ERGIC1: variants seen among roughly 807,000 people sequenced by gnomAD.
ERGIC1 encodes endoplasmic reticulum-golgi intermediate compartment 1.
In ERGIC1, 19 loss-of-function variants were observed where a neutral mutation model predicts 38.3. The observed-to-expected ratio is 0.50, with a 90% confidence interval of 0.35 to 0.73. ERGIC1 has a LOEUF of 0.73. Ranked by LOEUF, ERGIC1 falls within the 30% of genes least tolerant of loss-of-function variation. The probability of loss-of-function intolerance (pLI) is 0.01; values close to 1 mark genes in which losing one functional copy is unlikely to be tolerated. For missense variants in ERGIC1, 294 were observed against 389.2 expected, an observed-to-expected ratio of 0.76 and a Z score of 2.06; for synonymous variants, 124 against 157.6, an observed-to-expected ratio of 0.79 and a Z score of 1.60.
chr5:172,936,477 C>G (rs555737767), intron 9 of ERGIC1: 1 of 152,316 alleles, frequency 6.6e-6, no homozygotes, highest in African/African-American at 2.4e-5. Flanking sequence ...CCATCCAAAC[C>G]GCAGGGACAC....
rs551873654 is a variant in ERGIC1, at chr5:172,851,213, A to T, written c.20+16780A>T. Among the ~76,000 whole-genome samples the T allele has an allele frequency of 5.1e-3, 763 of 150,668 alleles. 6 individuals are homozygous for T. The highest frequency in any genetic ancestry group is 8.8e-3 in the Non-Finnish European group (593 of 67,700). ...AAGACTCTGTCTCAAAAAAAAAAAA[A>T]AAAAAAATTAAAAATTCAGGCACAG... is the stretch of plus-strand genomic sequence containing the variant. On this transcript the variant is annotated intron_variant, in intron 1 of 9. Transcript: ENST00000393784.
intron 9 of ERGIC1, among the ~76,000 whole-genome samples, chr5:172,943,520 A>G (rs1399161774): frequency 1.3e-5 from 2 of 152,018 alleles, no homozygotes; most frequent in Non-Finnish European, 2.9e-5. Flanking sequence ...CCTCCTCCAC[A>G]CGCTTTTAAA....
At chr5:172,840,145 C>T (rs1434781613) in intron 1 of ERGIC1, among the ~76,000 whole-genome samples, 1 of 146,832 alleles carries the variant, frequency 6.8e-6, no homozygotes, top group African/African-American at 2.5e-5. Context: ...TCGAGGGGCT[C>T]AGTTTTCCCA....
At chr5:172,900,209 G>A (rs182690013) in intron 3 of ERGIC1, among the ~76,000 whole-genome samples, 239 of 152,286 alleles carry the variant, frequency 1.6e-3, no homozygotes, top group Middle Eastern at 6.8e-3. Context: ...AGAATGCCCG[G>A]GAGCATTGGG....
chr5:172,834,453 C>T lies in ERGIC1; in HGVS notation c.20+20C>T. The T allele has an allele frequency of 7.6e-7, 1 of 1,321,326 alleles. No individual in the cohort carries two copies. The highest frequency in any genetic ancestry group is 9.7e-7 in the Non-Finnish European group (1 of 1,031,632). 81.9% of individuals were successfully genotyped at this position (1,321,326 alleles called of 1,614,324 possible). ...CAGGAGGTGAGTGTGGCGACCCCGGCCAGTCGGGAGTTCCCTCAGCGGGCA... is the reference window on the plus strand; with the variant it reads ...CAGGAGGTGAGTGTGGCGACCCCGGTCAGTCGGGAGTTCCCTCAGCGGGCA... On this transcript the variant is annotated intron_variant, in intron 1 of 9. Transcript: ENST00000393784. This position sits in a 1 kb window ranked among gnomAD's most constrained non-coding sequence, Gnocchi z 4.1.
At chr5:172,849,173 T>C in intron 1 of ERGIC1, among the ~76,000 whole-genome samples, 1 of 152,208 alleles carries the variant, frequency 6.6e-6, no homozygotes, top group East Asian at 1.9e-4. Context: ...ACCCAAGCCC[T>C]AGCTCTACTT....
rs538686400 is a variant in ERGIC1 at position 172,858,813 on chromosome 5, A to T, written c.20+24380A>T. Among the ~76,000 whole-genome samples the T allele has an allele frequency of 5.9e-5, 9 of 152,274 alleles. No homozygotes were observed. The Middle Eastern group carries it at 0.014, about 230-fold the overall frequency. Reference sequence around the variant, plus strand: ...GGAGCTTGTGAGGGCCCTGCCCAAGATTCCAAGGCCCCTGCCAGCCAGATG... The same window carrying T: ...GGAGCTTGTGAGGGCCCTGCCCAAGTTTCCAAGGCCCCTGCCAGCCAGATG... On this transcript the variant is annotated intron_variant, in intron 1 of 9. Coordinates refer to ENST00000393784, the MANE Select transcript of ERGIC1 (RefSeq NM_001031711.3).
In ERGIC1 at chr5:172,950,820, C is replaced by G; in HGVS notation, c.*4C>G. ...CCAGCTGGGCAAGATGCATTGACGC[C>G]ACACCCAGCCTAATGGCCGAGGACC... is the stretch of plus-strand genomic sequence containing the variant. On this transcript the variant is annotated 3_prime_UTR_variant, in exon 10 of 10. Coordinates refer to ENST00000393784, the MANE Select transcript of ERGIC1 (RefSeq NM_001031711.3). 6.2e-7 allele frequency: 1 copy of G among 1,605,156 alleles called. No individual in the cohort carries two copies. Among genetic ancestry groups the G allele is most frequent in the Non-Finnish European group, 8.5e-7 (1 of 1,173,286 alleles).
intron 1 of ERGIC1, among the ~76,000 whole-genome samples, chr5:172,853,794 TC>T (rs1761471947): frequency 6.6e-6 from 1 of 152,228 alleles, no homozygotes; most frequent in Non-Finnish European, 1.5e-5. Flanking sequence ...TTCCTGGGCT[TC>T]CTTCAGCTTT....
chr5:172,900,731 A>C (rs1050356283), intron 3 of ERGIC1, among the ~76,000 whole-genome samples: 1 of 151,760 alleles, frequency 6.6e-6, no homozygotes, highest in African/African-American at 2.4e-5. Context: ...ACAAAAAAAA[A>C]CATGAGGACA....
intron 1 of ERGIC1, among the ~76,000 whole-genome samples, chr5:172,842,566 T>C (rs1301558943): frequency 6.6e-6 from 1 of 152,210 alleles, no homozygotes; most frequent in East Asian, 1.9e-4. Flanking sequence ...ATGGTAGCTC[T>C]ATTTTTAATT....
At chr5:172,928,073 C>A (rs13359108) in intron 7 of ERGIC1, among the ~76,000 whole-genome samples, 27,004 of 151,946 alleles carry the variant, frequency 0.18, 2,570 homozygotes, top group South Asian at 0.22. Flanking sequence ...GGTGTGGTGC[C>A]GTGGTCATTG....
At chr5:172,870,938 G>T (rs538609242) in intron 1 of ERGIC1, among the ~76,000 whole-genome samples, 1 of 152,194 alleles carries the variant, frequency 6.6e-6, no homozygotes, top group South Asian at 2.1e-4. Context: ...GATGATGCTC[G>T]CCACTTCAGA....
intron 9 of ERGIC1, among the ~76,000 whole-genome samples, chr5:172,948,733 T>C (rs1021734199): frequency 2.0e-5 from 3 of 152,132 alleles, no homozygotes; most frequent in Non-Finnish European, 2.9e-5. Context: ...AAGTAGATGC[T>C]CAAGAGGAAA....
At chr5:172,894,535 AT>A (rs1170052404) in intron 2 of ERGIC1, among the ~76,000 whole-genome samples, 1 of 152,112 alleles carries the variant, frequency 6.6e-6, no homozygotes, top group Admixed American at 6.5e-5. Context: ...TAATTCTAGT[AT>A]CCCCCATGTC....
At chr5:172,851,798 A>C (rs1761413213) in intron 1 of ERGIC1, among the ~76,000 whole-genome samples, 1 of 152,032 alleles carries the variant, frequency 6.6e-6, no homozygotes, top group Non-Finnish European at 1.5e-5. Flanking sequence ...CCTGGGTAAA[A>C]GGGCTCCACT....
At chr5:172,870,463 C>G (rs1412826667) in intron 1 of ERGIC1, among the ~76,000 whole-genome samples, 1 of 152,220 alleles carries the variant, frequency 6.6e-6, no homozygotes, top group African/African-American at 2.4e-5. Context: ...TAAGGCCTGG[C>G]TGTCTCTCAT....
intron 2 of ERGIC1, among the ~76,000 whole-genome samples, chr5:172,896,224 TC>T (rs1762717883): frequency 6.6e-6 from 1 of 152,044 alleles, no homozygotes; most frequent in Non-Finnish European, 1.5e-5. Flanking sequence ...GCACCTGTAA[TC>T]CCAGCTACTT....
intron 3 of ERGIC1, chr5:172,897,801 C>T (rs564009498): frequency 1.5e-4 from 64 of 413,896 alleles, no homozygotes; most frequent in African/African-American, 1.0e-3. Context: ...CATCAGCGCC[C>T]GGCCCCCTGG....
Sources: allele counts gnomAD v4.1 joint callset (sites outside exome capture counted in the v4.1 genomes callset), GRCh38; gene constraint gnomAD v4.1.1; non-coding constraint Gnocchi (gnomAD v3.1); transcripts MANE v1.5; gene names NCBI Gene and HGNC (gene_info 2026-07-23, HGNC 2026-07-21).